Variants in VPS13C observed in about 807,000 individuals in gnomAD.
VPS13C encodes the protein vacuolar protein sorting 13 homolog C.
A neutral mutation model predicts 456.8 loss-of-function variants in VPS13C; 358 were observed. The ratio of observed to expected loss-of-function variants is 0.78; its 90% CI spans 0.72 to 0.86. The LOEUF (loss-of-function observed/expected upper bound fraction) is 0.86. VPS13C is among the 40% of genes least tolerant of loss of function. The probability of loss-of-function intolerance (pLI) is 0.00; values close to 1 mark genes in which losing one functional copy is unlikely to be tolerated. For synonymous variants in VPS13C, 1,578 were observed against 1,486.7 expected (o/e 1.06, Z -1.41); for missense variants, 4,818 against 4,385.4 (o/e 1.10, Z -2.79).
chr15:61,965,960 T>C, intron 30 of VPS13C, 123 bp downstream of exon 30: 1 of 587,578 alleles, frequency 1.7e-6, no homozygotes, highest in Non-Finnish European at 2.8e-6. Context: ...AGGTTATTTA[T>C]AACTCTTATT....
At chr15:62,058,473 G>T (rs1288075467) in intron 1 of VPS13C, among the ~76,000 whole-genome samples, 3 of 151,998 alleles carry the variant, frequency 2.0e-5, no homozygotes, top group African/African-American at 7.3e-5. Context: ...AAAATAAAAA[G>T]TATCAATTCA....
chr15:61,875,418 C>T (rs183515854), intron 76 of VPS13C, among the ~76,000 whole-genome samples: 1 of 152,052 alleles, frequency 6.6e-6, no homozygotes, highest in East Asian at 1.9e-4. Flanking sequence ...ATGAAACAAA[C>T]TTTGCTTTCA....
At chr15:62,051,090 G>C (rs1465606720) in intron 1 of VPS13C, among the ~76,000 whole-genome samples, 1 of 152,140 alleles carries the variant, frequency 6.6e-6, no homozygotes, top group Non-Finnish European at 1.5e-5. Context: ...ATAAATGTAA[G>C]AAATATAGTC....
Position 62,023,481 on chromosome 15 carries a change from T to C in VPS13C, c.554A>G (p.Lys185Arg), listed in dbSNP as rs1178601859. The change falls in exon 8 of 85, where the codon AAA (lysine) becomes AGA (arginine). Residue 185 changes from lysine (K) to arginine (R), a missense_variant. Lys to Arg is a conservative substitution (Grantham distance 26). This residue lies in a region of VPS13C where 4,552 missense variants were observed against 4,130.6 expected (regional missense o/e 1.10). Transcript: ENST00000644861. ...KEAKKDTFVE[K>R]LATQVIKNVQ... ...ATTTTTTATTACTTGAGTTGCCAAT[T>C]TTTCCACAAATGTATCCTTTTTGGC... 1 of 1,587,090 alleles carries C rather than the reference T, an allele frequency of 6.3e-7. No individual in the cohort carries two copies.
chr15:62,023,766 C>T lies in VPS13C; in HGVS notation c.514+14G>A, dbSNP rs2047541834. ...GTATAAACAACACCATGGCATAAAA[C>T]TACTTTTACCTACCTTTTGAACGAT... On this transcript the variant is annotated intron_variant, in intron 7 of 84. Transcript: ENST00000644861. 2 of 1,604,988 alleles carry T rather than the reference C, an allele frequency of 1.2e-6. No individual in the cohort carries two copies. Among genetic ancestry groups the T allele is most frequent in the East Asian group, 4.5e-5 (2 of 44,666 alleles).
intron 16 of VPS13C, among the ~76,000 whole-genome samples, chr15:61,999,359 A>C (rs1425798630): frequency 6.6e-6 from 1 of 151,624 alleles, no homozygotes; most frequent in Admixed American, 6.6e-5. Context: ...CAGCCTGGAC[A>C]ACAGAGCAAG....
At chr15:61,972,457 TGAGA>T (rs1169653486) in intron 27 of VPS13C, among the ~76,000 whole-genome samples, 164 bp downstream of exon 27, 9 of 152,202 alleles carry the variant, frequency 5.9e-5, no homozygotes, top group Non-Finnish European at 1.0e-4. Flanking sequence ...TCTGTGTGTG[TGAGA>T]GAGAAAGAGT....
chr15:61,919,664 T>C (rs2140175759), intron 57 of VPS13C, among the ~76,000 whole-genome samples: 1 of 151,904 alleles, frequency 6.6e-6, no homozygotes, highest in Non-Finnish European at 1.5e-5. Flanking sequence ...GTTTTGAATA[T>C]AAAAACAAAA....
intron 3 of VPS13C, among the ~76,000 whole-genome samples, chr15:62,036,326 A>G (rs908399564): frequency 1.3e-5 from 2 of 152,064 alleles, no homozygotes; most frequent in Non-Finnish European, 2.9e-5. Flanking sequence ...CAAAGAACTG[A>G]AAAACAGTAT....
At chr15:62,009,787 CAAAT>C (rs1265165206) in intron 13 of VPS13C, among the ~76,000 whole-genome samples, 1 of 151,988 alleles carries the variant, frequency 6.6e-6, no homozygotes, top group Non-Finnish European at 1.5e-5. Flanking sequence ...GCTTGGGAAA[CAAAT>C]AGAGGAAAAA....
chr15:62,007,336 A>G lies in VPS13C; in HGVS notation c.1262T>C (p.Val421Ala). The part of the protein sequence containing the change: ...AYKNKLTQSK[V>A]SEEIQKEIQD... Reference sequence around the variant, plus strand: ...AATTTCTTTCTGTATTTCTTCTGAGACTTTAGACTGTGTTAACTTGTTTTT... The same window carrying G: ...AATTTCTTTCTGTATTTCTTCTGAGGCTTTAGACTGTGTTAACTTGTTTTT... Residue 421 changes from valine to alanine, a missense_variant, in exon 15 of 85, where the codon GTC becomes GCC. Coordinates refer to ENST00000644861, the MANE Select transcript of VPS13C (RefSeq NM_020821.3). 1 of 1,610,350 alleles carries G rather than the reference A, an allele frequency of 6.2e-7. No individual in the cohort carries two copies. Among genetic ancestry groups the G allele is most frequent in the Non-Finnish European group, 8.5e-7 (1 of 1,178,752 alleles).
In VPS13C at chr15:61,933,283, T is replaced by C. The variant is rs376979746; in HGVS notation, c.5868+936A>G. 2.6e-4 allele frequency among the ~76,000 whole-genome samples: 39 copies of C among 152,304 alleles called. No homozygotes were observed. The East Asian group carries it at 5.6e-3, about 22-fold the overall frequency. On this transcript the variant is annotated intron_variant, in intron 49 of 84. Coordinates refer to ENST00000644861, the MANE Select transcript of VPS13C (RefSeq NM_020821.3). The stretch of plus-strand genomic sequence containing the variant: ...ATTTAACTGCTCATTTTTGGTAAGG[T>C]CATTTTCTGATGTTGTAATGAGCAT...
intron 47 of VPS13C, 28 bp from the exon 48 acceptor site, chr15:61,936,778 CTAAG>C (rs763775819): frequency 1.3e-6 from 2 of 1,569,436 alleles, no homozygotes; most frequent in Middle Eastern, 1.7e-4. Flanking sequence ...TTTGTTAACT[CTAAG>C]TAATAAAAAA....
At chr15:62,043,797 A>G (rs988303059) in intron 2 of VPS13C, among the ~76,000 whole-genome samples, 3 of 152,190 alleles carry the variant, frequency 2.0e-5, no homozygotes, top group East Asian at 3.8e-4. Context: ...TTCTGGAGCT[A>G]AAGTCCAGAA....
Position 61,950,350 on chromosome 15 carries a change from AG to A in VPS13C, c.4596+7del. The A allele has an allele frequency of 1.2e-6, 2 of 1,606,160 alleles. No individual in the cohort carries two copies. On this transcript the variant is annotated splice_region_variant and intron_variant, in intron 41 of 84. Coordinates refer to ENST00000644861, the MANE Select transcript of VPS13C (RefSeq NM_020821.3). The stretch of plus-strand genomic sequence containing the variant: ...ACCCAACCTTATAGCAAATTATAAA[AG>A]TTTTACCTTCAGTCTCTGTTTGGTA...
At chr15:62,007,731 G>C (rs942581371) in intron 14 of VPS13C, among the ~76,000 whole-genome samples, 4 of 152,180 alleles carry the variant, frequency 2.6e-5, no homozygotes, top group African/African-American at 7.2e-5. Flanking sequence ...TAGCATTCCA[G>C]TATGGTTATA....
At position 61,951,039 on chromosome 15, in the gene VPS13C, A is replaced by G. The variant is rs995018214; in HGVS notation, c.4457-15T>C. The G allele has an allele frequency of 6.6e-7, 1 of 1,521,556 alleles. No homozygotes were observed. The highest frequency in any genetic ancestry group is 1.4e-5 in the African/African-American group (1 of 71,996). The allele number at this position is 1,521,556 out of a possible 1,614,324, so 94.3% of individuals were successfully genotyped here. A position where few individuals can be genotyped will look rare whatever the true frequency, so the allele number is the denominator to read the frequency against. On this transcript the variant is annotated splice_polypyrimidine_tract_variant and intron_variant, in intron 39 of 84. Transcript: ENST00000644861. ...CCCTTTAGAGTCTAAAAGAGAAAAA[A>G]GACAAAGTTGATCCATCAATTAAAC...
At chr15:61,961,018 T>C (rs1459643270) in intron 35 of VPS13C, among the ~76,000 whole-genome samples, 3 of 151,488 alleles carry the variant, frequency 2.0e-5, no homozygotes, top group African/African-American at 7.3e-5. Context: ...GATGCAGAAG[T>C]TGCAGTGAGC....
At chr15:62,019,019 G>A (rs1222385038) in intron 9 of VPS13C, among the ~76,000 whole-genome samples, 5 of 152,000 alleles carry the variant, frequency 3.3e-5, no homozygotes, top group African/African-American at 1.2e-4. Flanking sequence ...GTCTTGGGAG[G>A]GTGTATGTGT....
Sources: allele counts gnomAD v4.1 joint callset (sites outside exome capture counted in the v4.1 genomes callset), GRCh38; gene constraint gnomAD v4.1.1; regional missense constraint gnomAD v4.1.1; transcripts MANE v1.5; gene names NCBI Gene and HGNC (gene_info 2026-07-23, HGNC 2026-07-21).